ZNF148: variants seen among roughly 807,000 people sequenced by gnomAD.
The protein encoded by ZNF148 is zinc finger protein 148.
In ZNF148, 7 loss-of-function variants were observed where a neutral mutation model predicts 67.7. That is an observed-to-expected ratio of 0.10 (90% CI 0.06 to 0.19). The LOEUF is 0.19. Among genes scored for constraint, ZNF148 ranks in the 10% least tolerant of loss-of-function variants. ZNF148 has a pLI of 1.00. For synonymous variants in ZNF148, 333 were observed against 330.7 expected (o/e 1.01, Z -0.08); for missense variants, 583 against 947.1 (o/e 0.62, Z 5.05).
intron 7 of ZNF148, among the ~76,000 whole-genome samples, chr3:125,272,730 A>G (rs1937822709): frequency 6.6e-6 from 1 of 152,160 alleles, no homozygotes; most frequent in African/African-American, 2.4e-5. Flanking sequence ...TATAGTGTTA[A>G]GCTTTTATAT....
chr3:125,347,705 T>G (rs1941997728), intron 1 of ZNF148, among the ~76,000 whole-genome samples: 1 of 151,914 alleles, frequency 6.6e-6, no homozygotes, highest in South Asian at 2.1e-4. Context: ...TTTTATGTAT[T>G]CTTTTTATAG....
intron 1 of ZNF148, among the ~76,000 whole-genome samples, chr3:125,352,031 ACT>A (rs2107760438): frequency 6.6e-6 from 1 of 151,922 alleles, no homozygotes; most frequent in South Asian, 2.1e-4. Flanking sequence ...GCAATTTTTC[ACT>A]CTTACATACA....
intron 7 of ZNF148, among the ~76,000 whole-genome samples, chr3:125,253,669 C>G (rs921091658): frequency 2.6e-5 from 4 of 152,138 alleles, no homozygotes; most frequent in Admixed American, 2.6e-4. Flanking sequence ...TTTCTACCTA[C>G]CTACTGAGAT....
intron 4 of ZNF148, among the ~76,000 whole-genome samples, chr3:125,299,093 T>C (rs961159327): frequency 6.6e-6 from 1 of 152,236 alleles, no homozygotes; most frequent in African/African-American, 2.4e-5. Flanking sequence ...CTTTTCACTT[T>C]ATTATTTCTT....
intron 7 of ZNF148, among the ~76,000 whole-genome samples, chr3:125,242,387 G>A (rs944483364): frequency 6.6e-6 from 1 of 152,178 alleles, no homozygotes; most frequent in Non-Finnish European, 1.5e-5. Flanking sequence ...CTTGGAGGCC[G>A]AGGCAGGTGG....
intron 4 of ZNF148, among the ~76,000 whole-genome samples, chr3:125,292,047 A>G (rs1939045978): frequency 6.6e-6 from 1 of 152,186 alleles, no homozygotes; most frequent in African/African-American, 2.4e-5. Flanking sequence ...GAGAAATTTA[A>G]GATTTAAATT....
chr3:125,336,391 G>A (rs969824260), intron 1 of ZNF148, among the ~76,000 whole-genome samples: 2 of 152,096 alleles, frequency 1.3e-5, no homozygotes, highest in Non-Finnish European at 2.9e-5. Flanking sequence ...CTTTCTGAAT[G>A]ATGTTTTAAA....
chr3:125,258,380 G>A (rs553172576), intron 7 of ZNF148, among the ~76,000 whole-genome samples: 43 of 128,708 alleles, frequency 3.3e-4, no homozygotes, highest in African/African-American at 1.2e-3. Context: ...AGCCGAGATT[G>A]CGCCACTGCA....
intron 2 of ZNF148, among the ~76,000 whole-genome samples, chr3:125,329,136 T>C (rs1035442482): frequency 4.0e-5 from 6 of 150,766 alleles, no homozygotes; most frequent in South Asian, 2.1e-4. Flanking sequence ...TGTATACACC[T>C]ATCATAATAA....
intron 5 of ZNF148, among the ~76,000 whole-genome samples, chr3:125,280,683 A>C (rs1938332312): frequency 5.3e-5 from 8 of 151,784 alleles, no homozygotes; most frequent in Admixed American, 5.3e-4. Context: ...CCATCTCAAA[A>C]AAAAAAAAAA....
At chr3:125,259,255 T>C (rs1291087449) in intron 7 of ZNF148, among the ~76,000 whole-genome samples, 1 of 152,074 alleles carries the variant, frequency 6.6e-6, no homozygotes, top group Non-Finnish European at 1.5e-5. Flanking sequence ...AATAAACACA[T>C]GAAAAAATGC....
At chr3:125,324,410 A>G (rs1449011525) in intron 2 of ZNF148, among the ~76,000 whole-genome samples, 90 of 152,336 alleles carry the variant, frequency 5.9e-4, no homozygotes, top group Non-Finnish European at 2.5e-4. Context: ...CAGCAAGATT[A>G]CCAGTGACAG....
Position 125,233,325 on chromosome 3 carries a change from G to A in ZNF148, c.1401C>T (p.Ala467=). The change falls in exon 9 of 9, where the codon GCC becomes GCT. Residue 467 remains alanine (A), a synonymous_variant. Transcript: ENST00000360647. The surrounding 1 kb of genome is among the most constrained non-coding windows in gnomAD (Gnocchi z 5.1). Reference sequence around the variant, plus strand: ...ACCGCTTCTTCTTCAAAAACTGCATGGCATCATCATAATTAGTACTACTAT... The same window carrying A: ...ACCGCTTCTTCTTCAAAAACTGCATAGCATCATCATAATTAGTACTACTAT... ...PVHSSTNYDD[A]MQFLKKKRYL... 1 of 1,613,844 alleles carries A rather than the reference G, an allele frequency of 6.2e-7. No homozygotes were observed. The highest frequency in any genetic ancestry group is 8.5e-7 in the Non-Finnish European group (1 of 1,179,894).
At position 125,232,312 on chromosome 3, in the gene ZNF148, C is replaced by T; in HGVS notation, c.*29G>A. ...CTCTTGATTAATCTGTTCTAAAGTG[C>T]CAGTATTATTTACACTTTTTTTTTT... On this transcript the variant is annotated 3_prime_UTR_variant, in exon 9 of 9. Transcript: ENST00000360647. The surrounding 1 kb of genome is among the most constrained non-coding windows in gnomAD (Gnocchi z 4.2). 3.2e-6 allele frequency: 5 copies of T among 1,566,510 alleles called. No homozygotes were observed. Among genetic ancestry groups the T allele is most frequent in the Non-Finnish European group, 4.3e-6 (5 of 1,160,598 alleles).
chr3:125,265,884 A>C (rs1027652915), intron 7 of ZNF148, among the ~76,000 whole-genome samples: 1 of 152,132 alleles, frequency 6.6e-6, no homozygotes, highest in African/African-American at 2.4e-5. Context: ...ATTTTAACTA[A>C]TCACACAAAT....
At chr3:125,362,653 CAA>C (rs1188137684) in intron 1 of ZNF148, among the ~76,000 whole-genome samples, 2 of 151,842 alleles carry the variant, frequency 1.3e-5, no homozygotes, top group Non-Finnish European at 2.9e-5. Context: ...CTCCCAAGCT[CAA>C]GTGATCCTCC....
chr3:125,293,393 G>C (rs1939120789), intron 4 of ZNF148, among the ~76,000 whole-genome samples: 1 of 152,104 alleles, frequency 6.6e-6, no homozygotes. Context: ...TGTTTGCTGA[G>C]GTCACTGAAA....
At chr3:125,249,441 C>T (rs528335929) in intron 7 of ZNF148, among the ~76,000 whole-genome samples, 12 of 152,162 alleles carry the variant, frequency 7.9e-5, no homozygotes, top group Non-Finnish European at 1.5e-4. Flanking sequence ...CACAAATCAT[C>T]AGGGAAATGC....
At chr3:125,248,901 G>A (rs1192222827) in intron 7 of ZNF148, among the ~76,000 whole-genome samples, 1 of 152,212 alleles carries the variant, frequency 6.6e-6, no homozygotes, top group Non-Finnish European at 1.5e-5. Flanking sequence ...TCTGCTGCAA[G>A]AGGTCTATTT....
Sources: gnomAD v4.1 joint callset for allele counts (sites outside exome capture counted in the v4.1 genomes callset) on GRCh38, gnomAD v4.1.1 for gene constraint, Gnocchi (gnomAD v3.1) non-coding constraint, MANE v1.5 for transcripts, NCBI Gene and HGNC (gene_info 2026-07-23, HGNC 2026-07-21) for gene names.